The following PTPRN2 variants were observed in gnomAD, a reference collection of about 807,000 sequenced individuals.
PTPRN2 encodes the protein receptor-type tyrosine-protein phosphatase N2.
PTPRN2 carries 74 observed loss-of-function variants against 118.8 expected under a neutral mutation model. The ratio of observed to expected loss-of-function variants is 0.62; its 90% CI spans 0.52 to 0.76. The LOEUF is 0.76. Among genes scored for constraint, PTPRN2 ranks in the 30% least tolerant of loss-of-function variants. PTPRN2 has a pLI of 0.00. For missense variants in PTPRN2, 1,481 were observed against 1,394.4 expected (o/e 1.06, Z -0.99); for synonymous variants, 641 against 608.0 (o/e 1.05, Z -0.80).
chr7:158,432,459 G>C (rs989780346), intron 2 of PTPRN2, among the ~76,000 whole-genome samples: 7 of 152,222 alleles, frequency 4.6e-5, no homozygotes, highest in Non-Finnish European at 1.0e-4. Context: ...TCAGGAGGGG[G>C]AGGGTGCAAG....
intron 11 of PTPRN2, among the ~76,000 whole-genome samples, chr7:157,936,693 C>T (rs1799726885): frequency 6.6e-6 from 1 of 151,104 alleles, no homozygotes; most frequent in Non-Finnish European, 1.5e-5. Flanking sequence ...TGGGGGTCTA[C>T]AGTGCAGGTC....
chr7:158,033,299 T>A (rs78424667), intron 11 of PTPRN2, among the ~76,000 whole-genome samples: 2 of 152,094 alleles, frequency 1.3e-5, no homozygotes, highest in South Asian at 4.2e-4. Flanking sequence ...GACGAGAGAA[T>A]GAGGAAGAAA....
chr7:158,155,724 C>T (rs62480249), intron 6 of PTPRN2, among the ~76,000 whole-genome samples: 276 of 96,864 alleles, frequency 2.8e-3, no homozygotes, highest in Admixed American at 6.1e-3. Context: ...ACCATCATCA[C>T]CATCACCATC....
At chr7:158,347,512 A>G (rs1244388489) in intron 2 of PTPRN2, among the ~76,000 whole-genome samples, 2 of 152,156 alleles carry the variant, frequency 1.3e-5, no homozygotes, top group African/African-American at 4.8e-5. Context: ...ATAGTTTCAT[A>G]GTATATTTTG....
intron 12 of PTPRN2, among the ~76,000 whole-genome samples, chr7:157,814,919 C>A (rs944104661): frequency 2.0e-5 from 3 of 152,322 alleles, no homozygotes; most frequent in African/African-American, 7.2e-5. Flanking sequence ...GCAAATCTCA[C>A]CCAACTTTAA....
intron 11 of PTPRN2, among the ~76,000 whole-genome samples, chr7:157,985,057 TTGAC>T (rs1159543622): frequency 2.0e-5 from 3 of 152,218 alleles, no homozygotes; most frequent in Non-Finnish European, 4.4e-5. Flanking sequence ...TTCATGGGCC[TTGAC>T]TGACAGCTTT....
chr7:158,530,786 A>C (rs1462147910), intron 1 of PTPRN2, among the ~76,000 whole-genome samples: 1 of 152,232 alleles, frequency 6.6e-6, no homozygotes, highest in Non-Finnish European at 1.5e-5. Context: ...TCTGTTTCAC[A>C]GCAGAACCCA....
In PTPRN2 at chr7:158,555,789, C is replaced by A. The variant is rs994966737; in HGVS notation, c.112+31769G>T. On this transcript the variant is annotated intron_variant, in intron 1 of 22. Coordinates refer to ENST00000389418, the MANE Select transcript of PTPRN2 (RefSeq NM_002847.5). The surrounding 1 kb of genome is among the most constrained non-coding windows in gnomAD (Gnocchi z 4.7). ...TGCCTAGCAGGCCATCTACATGGGG[C>A]AGACCACAGAGACAGGCTCCAGCAA... 6.6e-6 allele frequency among the ~76,000 whole-genome samples: 1 copy of A among 152,164 alleles called. No homozygotes were observed. Among genetic ancestry groups the A allele is most frequent in the African/African-American group, 2.4e-5 (1 of 41,436 alleles).
intron 11 of PTPRN2, among the ~76,000 whole-genome samples, chr7:158,046,891 G>A (rs543765879): frequency 5.9e-5 from 9 of 152,168 alleles, no homozygotes; most frequent in African/African-American, 1.4e-4. Context: ...CACCAGTTCC[G>A]CCCACTCACC....
At chr7:158,211,047 G>A (rs189173144) in intron 3 of PTPRN2, among the ~76,000 whole-genome samples, 248 of 152,158 alleles carry the variant, frequency 1.6e-3, no homozygotes, top group Non-Finnish European at 3.1e-3. Context: ...TGCAAAAATC[G>A]TCAACAATCG....
intron 1 of PTPRN2, among the ~76,000 whole-genome samples, chr7:158,494,600 C>T (rs549537363): frequency 6.6e-6 from 1 of 152,328 alleles, no homozygotes; most frequent in South Asian, 2.1e-4. Flanking sequence ...CACTAATCAC[C>T]CTTCCTGAGA....
At chr7:158,083,499 G>A (rs143396832) in intron 10 of PTPRN2, among the ~76,000 whole-genome samples, 30 of 152,266 alleles carry the variant, frequency 2.0e-4, no homozygotes, top group African/African-American at 6.7e-4. Context: ...CTCACGTGCT[G>A]AAAGTTTTCT....
chr7:157,618,224 A>G lies in PTPRN2; in HGVS notation c.2344+3138T>C, dbSNP rs1027196288. The G allele has an allele frequency of 2.0e-5, 3 of 152,202 alleles. No homozygotes were observed. Among genetic ancestry groups the G allele is most frequent in the African/African-American group, 7.2e-5 (3 of 41,428 alleles). 9.4% of individuals were successfully genotyped at this position (152,202 alleles called of 1,614,324 possible). ...GGGAAGGCGGGGCATGAGAGAAGGG[A>G]GGGGTGGTCCCGAGGACCCTTTCCA... On this transcript the variant is annotated intron_variant, in intron 15 of 22. Coordinates refer to ENST00000389418, the MANE Select transcript of PTPRN2 (RefSeq NM_002847.5). The surrounding 1 kb of genome is among the most constrained non-coding windows in gnomAD (Gnocchi z 4.2).
intron 11 of PTPRN2, among the ~76,000 whole-genome samples, chr7:158,004,189 A>T (rs1028620286): frequency 1.3e-5 from 2 of 151,890 alleles, no homozygotes; most frequent in African/African-American, 4.8e-5. Flanking sequence ...ACTTCACATG[A>T]TGTTTCTGCC....
chr7:158,041,229 A>G (rs909337562), intron 11 of PTPRN2, among the ~76,000 whole-genome samples: 5 of 152,232 alleles, frequency 3.3e-5, no homozygotes, highest in African/African-American at 1.2e-4. Context: ...GGTACTTGGA[A>G]GAGATCTACT....
chr7:158,075,596 C>T (rs933942853), intron 11 of PTPRN2, among the ~76,000 whole-genome samples: 26 of 152,312 alleles, frequency 1.7e-4, no homozygotes, highest in Non-Finnish European at 3.2e-4. Context: ...TCCCACGCCG[C>T]GCCCTCCACT....
chr7:157,617,305 A>G lies in PTPRN2; in HGVS notation c.2344+4057T>C, dbSNP rs1802844919. The stretch of plus-strand genomic sequence containing the variant: ...CGCCGTTCACGCAGCTGCAGCGCAG[A>G]GCACGGGGGACGCTGGCTCACGATG... On this transcript the variant is annotated intron_variant, in intron 15 of 22. Coordinates refer to ENST00000389418, the MANE Select transcript of PTPRN2 (RefSeq NM_002847.5). This position sits in a 1 kb window ranked among gnomAD's most constrained non-coding sequence, Gnocchi z 7.5. 7.3e-6 allele frequency: 1 copy of G among 136,504 alleles called. No individual in the cohort carries two copies. The highest frequency in any genetic ancestry group is 2.8e-5 in the African/African-American group (1 of 35,154). The allele number at this position is 136,504 out of a possible 1,614,324, so 8.5% of individuals were successfully genotyped here.
chr7:158,489,808 CGCGGTCA>C (rs1821310902), intron 1 of PTPRN2, 23 bp from the exon 2 acceptor site: 9 of 1,561,072 alleles, frequency 5.8e-6, no homozygotes, highest in Non-Finnish European at 7.8e-6. Flanking sequence ...AGAGAAGAGA[CGCGGTCA>C]GCTGGAGGGG....
At chr7:158,222,939 G>C (rs1282601699) in intron 3 of PTPRN2, among the ~76,000 whole-genome samples, 1 of 151,756 alleles carries the variant, frequency 6.6e-6, no homozygotes, top group Non-Finnish European at 1.5e-5. Context: ...TCTCTATCAA[G>C]ACTAACAAAA....
Sources: gnomAD v4.1 joint callset for allele counts (sites outside exome capture counted in the v4.1 genomes callset) on GRCh38, gnomAD v4.1.1 for gene constraint, Gnocchi (gnomAD v3.1) non-coding constraint, MANE v1.5 for transcripts, NCBI Gene and HGNC (gene_info 2026-07-23, HGNC 2026-07-21) for gene names.